Variants in MAD1L1 observed in about 807,000 individuals in gnomAD.
MAD1L1 encodes the protein mitotic arrest deficient 1 like 1.
In MAD1L1, 95 loss-of-function variants were observed where a neutral mutation model predicts 96.9. That is an observed-to-expected ratio of 0.98 (90% CI 0.83 to 1.16). The LOEUF (loss-of-function observed/expected upper bound fraction) is 1.16. Among genes scored for constraint, MAD1L1 ranks in the 50% most tolerant of loss-of-function variants. The probability of loss-of-function intolerance (pLI) is 0.00; values close to 1 mark genes in which losing one functional copy is unlikely to be tolerated. For synonymous variants in MAD1L1, 473 were observed against 396.6 expected, an observed-to-expected ratio of 1.19 and a Z score of -2.29; for missense variants, 1,007 against 954.4, an observed-to-expected ratio of 1.06 and a Z score of -0.73.
chr7:2,112,973 C>T (rs73035488), intron 11 of MAD1L1, among the ~76,000 whole-genome samples: 1 of 152,174 alleles, frequency 6.6e-6, no homozygotes, highest in Non-Finnish European at 1.5e-5. Flanking sequence ...GAACCGAATC[C>T]GCAGAGCACT....
At chr7:1,921,761 G>A (rs900227020) in intron 17 of MAD1L1, among the ~76,000 whole-genome samples, 1 of 152,138 alleles carries the variant, frequency 6.6e-6, no homozygotes, top group African/African-American at 2.4e-5. Context: ...AAAGATGAAG[G>A]TATAAATCTA....
chr7:1,941,691 T>C (rs73051865), intron 16 of MAD1L1, among the ~76,000 whole-genome samples: 5,153 of 152,306 alleles, frequency 0.034, 183 homozygotes, highest in Admixed American at 0.097. Context: ...CAGGTTCCCG[T>C]GGCCCGGCTT....
intron 10 of MAD1L1, among the ~76,000 whole-genome samples, chr7:2,161,126 T>C (rs1554399683): frequency 8.1e-5 from 3 of 37,078 alleles, no homozygotes; most frequent in Non-Finnish European, 1.0e-4. Flanking sequence ...CCCCTCCCTC[T>C]CCCCTTTGCA....
intron 5 of MAD1L1, chr7:2,220,796 TG>T: frequency 1.5e-6 from 2 of 1,305,532 alleles, no homozygotes; most frequent in Non-Finnish European, 2.1e-6. Context: ...AGCATCAACC[TG>T]GGAGTCAACA....
At chr7:1,983,294 T>C (rs998656902) in intron 14 of MAD1L1, among the ~76,000 whole-genome samples, 10 of 152,220 alleles carry the variant, frequency 6.6e-5, no homozygotes, top group African/African-American at 2.4e-4. Context: ...TCAAAGTATC[T>C]GCGCTTTGAA....
intron 15 of MAD1L1, among the ~76,000 whole-genome samples, chr7:1,966,582 AAAAT>A (rs1780177097): frequency 6.9e-6 from 1 of 144,604 alleles, no homozygotes; most frequent in African/African-American, 2.6e-5. Context: ...AAAAACAAAA[AAAAT>A]CCCTAGAGAT....
At chr7:2,140,719 C>A (rs1427749839) in intron 11 of MAD1L1, among the ~76,000 whole-genome samples, 2 of 152,258 alleles carry the variant, frequency 1.3e-5, no homozygotes, top group African/African-American at 4.8e-5. Context: ...ATGGCAGTTG[C>A]CTTCCCCCAG....
chr7:1,973,939 G>A (rs986931852), intron 15 of MAD1L1, among the ~76,000 whole-genome samples: 10 of 152,218 alleles, frequency 6.6e-5, no homozygotes, highest in Non-Finnish European at 1.0e-4. Context: ...CTGAAGGCTG[G>A]GGCAGGAGAC....
At chr7:2,150,477 G>A (rs1296460763) in intron 10 of MAD1L1, among the ~76,000 whole-genome samples, 1 of 151,970 alleles carries the variant, frequency 6.6e-6, no homozygotes, top group African/African-American at 2.4e-5. Flanking sequence ...CTCATCCAGC[G>A]CTCACACAGC....
intron 18 of MAD1L1, among the ~76,000 whole-genome samples, chr7:1,877,382 T>C (rs1785438193): frequency 6.6e-6 from 1 of 151,428 alleles, no homozygotes; most frequent in Admixed American, 6.6e-5. Flanking sequence ...ACCCTTGCCC[T>C]AGAGCAATAA....
intron 17 of MAD1L1, among the ~76,000 whole-genome samples, chr7:1,911,851 G>T (rs1048069620): frequency 1.3e-5 from 2 of 152,242 alleles, no homozygotes; most frequent in East Asian, 1.9e-4. Context: ...GAACCTCTGC[G>T]GCACACACAC....
chr7:1,894,085 A>G (rs1010041142), intron 18 of MAD1L1, among the ~76,000 whole-genome samples: 6 of 152,204 alleles, frequency 3.9e-5, no homozygotes, highest in Non-Finnish European at 8.8e-5. Flanking sequence ...TGCGAACAGT[A>G]CAAGTGCCTC....
rs189606506 is a variant in MAD1L1 at position 2,074,378 on chromosome 7, C to T, written c.1074-5040G>A. Among the ~76,000 whole-genome samples the T allele has an allele frequency of 6.6e-5, 10 of 152,226 alleles. No homozygotes were observed. The East Asian group carries it at 7.8e-4, about 12-fold the overall frequency. Reference sequence around the variant, plus strand: ...TCCCAGCCCTTGGGCTGTGGGAACACGGGGCAGAGGCTGACATCATTAAAA... The same window carrying T: ...TCCCAGCCCTTGGGCTGTGGGAACATGGGGCAGAGGCTGACATCATTAAAA... On this transcript the variant is annotated intron_variant, in intron 11 of 18. Transcript: ENST00000265854.
intron 10 of MAD1L1, among the ~76,000 whole-genome samples, chr7:2,209,590 C>T (rs73041352): frequency 0.021 from 3,206 of 152,326 alleles, 83 homozygotes; most frequent in Admixed American, 0.072. Context: ...GGGAGAGCAG[C>T]GGTCCACTAG....
intron 12 of MAD1L1, among the ~76,000 whole-genome samples, chr7:2,020,009 G>A (rs1329629997): frequency 3.3e-5 from 5 of 152,208 alleles, no homozygotes; most frequent in Non-Finnish European, 7.3e-5. Flanking sequence ...TTAAGCACAC[G>A]TTACCTCATT....
At chr7:1,865,770 G>C (rs563994081) in intron 18 of MAD1L1, among the ~76,000 whole-genome samples, 32 of 152,390 alleles carry the variant, frequency 2.1e-4, no homozygotes, top group South Asian at 4.1e-4. Flanking sequence ...CAGACCCAGA[G>C]AGCGGCTGCT....
chr7:2,164,673 CAT>C (rs966963011), intron 10 of MAD1L1, among the ~76,000 whole-genome samples: 3 of 144,556 alleles, frequency 2.1e-5, no homozygotes, highest in Admixed American at 7.1e-5. Flanking sequence ...ATTGTAGAAA[CAT>C]ATGGTGGTAG....
chr7:1,872,131 CCTCT>C (rs1458975836), intron 18 of MAD1L1, among the ~76,000 whole-genome samples: 1 of 152,222 alleles, frequency 6.6e-6, no homozygotes, highest in Non-Finnish European at 1.5e-5. Flanking sequence ...ATCTGCGCTC[CCTCT>C]GTCCCCTGTC....
chr7:2,111,128 G>T (rs1291870808), intron 11 of MAD1L1, among the ~76,000 whole-genome samples: 3 of 152,210 alleles, frequency 2.0e-5, no homozygotes, highest in Non-Finnish European at 4.4e-5. Flanking sequence ...AAGACAAGAG[G>T]AACAAAGAAG....
Sources: gnomAD v4.1 joint callset for allele counts (sites outside exome capture counted in the v4.1 genomes callset) on GRCh38, gnomAD v4.1.1 for gene constraint, MANE v1.5 for transcripts, NCBI Gene and HGNC (gene_info 2026-07-23, HGNC 2026-07-21) for gene names.